NAIP: variants seen among roughly 807,000 people sequenced by gnomAD.
The protein encoded by NAIP is NLR family apoptosis inhibitory protein.
In NAIP, 15 loss-of-function variants were observed where a neutral mutation model predicts 23.0. That is an observed-to-expected ratio of 0.65 (90% CI 0.44 to 1.00). The LOEUF is 1.00. Among genes scored for constraint, NAIP ranks in the 50% least tolerant of loss-of-function variants. The pLI is 0.00. For missense variants in NAIP, 265 were observed against 278.8 expected, an observed-to-expected ratio of 0.95 and a Z score of 0.35; for synonymous variants, 100 against 100.2, an observed-to-expected ratio of 1.00 and a Z score of 0.01.
At chr5:71,013,534 G>C (rs530386433) in intron 3 of NAIP, among the ~76,000 whole-genome samples, 33 of 150,732 alleles carry the variant, frequency 2.2e-4, no homozygotes, top group African/African-American at 8.0e-4. Context: ...CAGCTACTCG[G>C]GAGGCTGAGG....
intron 4 of NAIP, 98 bp downstream of exon 4, chr5:71,012,249 CA>C (rs1181826425): frequency 9.7e-7 from 1 of 1,028,202 alleles, no homozygotes; most frequent in Non-Finnish European, 1.4e-6. Context: ...CACATTTAAC[CA>C]GTGAAGAAAG....
At chr5:71,002,401 C>CTT (rs1157939944) in intron 6 of NAIP, among the ~76,000 whole-genome samples, 83 of 5,596 alleles carry the variant, frequency 0.015, no homozygotes, top group East Asian at 0.032. Context: ...TGTTGGAGGT[C>CTT]TTTTTTTTTT....
chr5:70,972,899 GTTTTTTGT>G (rs1266986501), intron 16 of NAIP, among the ~76,000 whole-genome samples: 5 of 53,322 alleles, frequency 9.4e-5, no homozygotes, highest in African/African-American at 2.8e-4. Context: ...ATTGTTTTTT[GTTTTTTGT>G]TTTTTTTTTT....
At chr5:70,972,900 T>G (rs1750220407) in intron 16 of NAIP, among the ~76,000 whole-genome samples, 2 of 49,598 alleles carry the variant, frequency 4.0e-5, no homozygotes, top group African/African-American at 2.9e-4. Context: ...TTGTTTTTTG[T>G]TTTTTGTTTT....
chr5:71,002,374 A>T (rs1200597060), intron 6 of NAIP, among the ~76,000 whole-genome samples: 45 of 25,276 alleles, frequency 1.8e-3, no homozygotes, highest in Middle Eastern at 0.017. Context: ...TTGTATTTTT[A>T]GTAGAGACAG....
chr5:71,013,062 C>T (rs1282830478), intron 3 of NAIP, 144 bp from the exon 4 acceptor site: 23 of 765,178 alleles, frequency 3.0e-5, no homozygotes, highest in Non-Finnish European at 3.5e-5. Flanking sequence ...AATTATGAAA[C>T]ATCAGTATTC....
At chr5:71,002,401 CTTTTTTTT>C (rs1157939944) in intron 6 of NAIP, among the ~76,000 whole-genome samples, 13 of 5,586 alleles carry the variant, frequency 2.3e-3, no homozygotes, top group African/African-American at 9.3e-3. Flanking sequence ...TGTTGGAGGT[CTTTTTTTT>C]TTTTTTTTTT....
At chr5:70,978,130 C>CACACACAT (rs1342843444) in intron 13 of NAIP, among the ~76,000 whole-genome samples, 5 of 35,392 alleles carry the variant, frequency 1.4e-4, no homozygotes, top group Admixed American at 6.0e-4. Context: ...CACACACACA[C>CACACACAT]ATATATATAT....
intron 3 of NAIP, among the ~76,000 whole-genome samples, chr5:71,014,978 A>T (rs1339564084): frequency 6.6e-6 from 1 of 151,782 alleles, no homozygotes; most frequent in African/African-American, 2.4e-5. Context: ...TGTAGCAATA[A>T]GCAAGATAAT....
intron 3 of NAIP, among the ~76,000 whole-genome samples, chr5:71,014,325 T>C (rs1367070338): frequency 6.6e-6 from 1 of 151,378 alleles, no homozygotes; most frequent in Non-Finnish European, 1.5e-5. Context: ...CTCCAACTCC[T>C]GACCTCAAGT....
At position 71,012,424 on chromosome 5, in the gene NAIP, C is replaced by T. The variant is rs28409706; in HGVS notation, c.492G>A (p.Ala164=). The T allele has an allele frequency of 0.78, 1,252,673 of 1,610,560 alleles. 497,378 individuals carry two copies. Among genetic ancestry groups the T allele is most frequent in the African/African-American group, 0.95 (71,048 of 74,726 alleles). The change falls in exon 4 of 17, where the codon GCG becomes GCA. Residue 164 remains alanine, a synonymous_variant. Coordinates refer to ENST00000517649, the MANE Select transcript of NAIP (RefSeq NM_004536.3). The part of the protein sequence containing the change: ...MRYQEEEARL[A]SFRNWPFYVQ... ...CATAAAATGGCCAGTTCCTGAAGGA[C>T]GCAAGTCTAGCCTCCTCTTCTTGGT...
In NAIP at chr5:71,017,418, G is replaced by C. The variant is rs559468341; in HGVS notation, c.-4+3241C>G. 7.7e-5 allele frequency among the ~76,000 whole-genome samples: 9 copies of C among 116,152 alleles called. 2 individuals are homozygous for C. The highest frequency in any genetic ancestry group is 1.6e-4 in the Non-Finnish European group (8 of 49,766). 76.2% of individuals were successfully genotyped at this position (116,152 alleles called of 152,430 possible). A position where few individuals can be genotyped will look rare whatever the true frequency, so the allele number is the denominator to read the frequency against. ...TTTGCATCATCCTAAAGGTTTATTT[G>C]TTTAATTCATCAAGACTAGGATACA... On this transcript the variant is annotated intron_variant, in intron 3 of 16. Transcript: ENST00000517649.
At chr5:70,989,384 T>TA (rs956480849) in intron 9 of NAIP, among the ~76,000 whole-genome samples, 2 of 138,986 alleles carry the variant, frequency 1.4e-5, no homozygotes, top group African/African-American at 6.5e-5. Context: ...AGACCTCCTC[T>TA]AAAAATTAGC....
chr5:71,012,491 A>G lies in NAIP; in HGVS notation c.425T>C (p.Val142Ala). ...TCTCAGCCTGCTCTTCAGATTCTTC[A>G]CCCTTATGTCGTACTTGGCAATGTT... The part of the protein sequence containing the change: ...VGNIAKYDIR[V>A]KNLKSRLRGG... Residue 142 changes from valine to alanine, a missense_variant, in exon 4 of 17, where the codon GTG becomes GCG. This residue lies in a region of NAIP where 261 missense variants were observed against 259.2 expected (regional missense o/e 1.01). Coordinates refer to ENST00000517649, the MANE Select transcript of NAIP (RefSeq NM_004536.3). The G allele has an allele frequency of 6.2e-7, 1 of 1,611,490 alleles. No individual in the cohort carries two copies. Among genetic ancestry groups the G allele is most frequent in the Non-Finnish European group, 8.5e-7 (1 of 1,178,406 alleles).
chr5:71,011,250 A>T, intron 5 of NAIP, 25 bp downstream of exon 5: 1 of 1,546,776 alleles, frequency 6.5e-7, no homozygotes, highest in African/African-American at 1.4e-5. Flanking sequence ...AGAAAGAAAC[A>T]TTTAAGCAAA....
At chr5:71,011,412 G>A in intron 4 of NAIP, 38 bp from the exon 5 acceptor site, 1 of 1,464,842 alleles carries the variant, frequency 6.8e-7, no homozygotes, top group Middle Eastern at 1.7e-4. Context: ...GCCTGGCAGT[G>A]GCACCAGGGG....
chr5:71,015,427 GATAACAATTATGCAATTATATTGCATAAT>G (rs1751392595), intron 3 of NAIP, among the ~76,000 whole-genome samples: 1 of 142,096 alleles, frequency 7.0e-6, no homozygotes, highest in African/African-American at 2.6e-5. Flanking sequence ...AGGGAGAGAT[GATAACAATTATGCAATTATATTGCATAAT>G]TGAATTATAT....
At chr5:70,973,143 A>G (rs1750241423) in intron 16 of NAIP, among the ~76,000 whole-genome samples, 2 of 151,094 alleles carry the variant, frequency 1.3e-5, no homozygotes, top group Admixed American at 6.6e-5. Flanking sequence ...CTCGTGATCC[A>G]TCCGCCTCGG....
Position 71,012,165 on chromosome 5 carries a change from C to T in NAIP, c.568+183G>A, listed in dbSNP as rs190276796. ...ATTTGACAAATTAACACAGGCTGTA[C>T]TAAATAGAAAATGAAGCAAAAATAA... is the stretch of plus-strand genomic sequence containing the variant. On this transcript the variant is annotated intron_variant, in intron 4 of 16. Transcript: ENST00000517649. Among the ~76,000 whole-genome samples the T allele has an allele frequency of 2.2e-4, 33 of 151,450 alleles. 2 individuals are homozygous for T. Among genetic ancestry groups the T allele is most frequent in the African/African-American group, 8.0e-4 (33 of 41,296 alleles).
Sources: gnomAD v4.1 joint callset for allele counts (sites outside exome capture counted in the v4.1 genomes callset) on GRCh38, gnomAD v4.1.1 for gene constraint, gnomAD v4.1.1 regional missense constraint, MANE v1.5 for transcripts, NCBI Gene and HGNC (gene_info 2026-07-23, HGNC 2026-07-21) for gene names.